RNF24: variants seen among roughly 807,000 people sequenced by gnomAD.
The protein encoded by RNF24 is ring finger protein 24.
A neutral mutation model predicts 20.0 loss-of-function variants in RNF24; 14 were observed. The observed-to-expected ratio is 0.70, with a 90% CI of 0.46 to 1.10. The LOEUF is 1.10. Ranked by LOEUF, RNF24 falls within the 50% of genes least tolerant of loss-of-function variation. The pLI, the probability that RNF24 is intolerant of heterozygous loss-of-function variation, is 0.00. For missense variants in RNF24, 124 were observed against 177.6 expected (o/e 0.70, Z 1.71); for synonymous variants, 45 against 61.1 (o/e 0.74, Z 1.23).
chr20:3,980,968 G>T (rs1274547975), intron 1 of RNF24, among the ~76,000 whole-genome samples: 2 of 149,338 alleles, frequency 1.3e-5, no homozygotes, highest in Non-Finnish European at 3.0e-5. Flanking sequence ...TGTGTGTGTT[G>T]GGGGGGGCAG....
chr20:3,933,120 GAA>G lies in RNF24; in HGVS notation c.*941_*942del, dbSNP rs2090845691. Reference sequence around the variant, plus strand: ...AGAAAGAGAGATAGGGCAAGAGAGAGAAGAGATGGAAGGAGGGGGAGAGGCCA... The same window carrying G: ...AGAAAGAGAGATAGGGCAAGAGAGAGGAGATGGAAGGAGGGGGAGAGGCCA... On this transcript the variant is annotated 3_prime_UTR_variant, in exon 6 of 6. Transcript: ENST00000358395. 3 of 339,294 alleles carry G rather than the reference GAA, an allele frequency of 8.8e-6. No homozygotes were observed. The highest frequency in any genetic ancestry group is 5.7e-5 in the Admixed American group (1 of 17,570). 21.0% of individuals were successfully genotyped at this position (339,294 alleles called of 1,614,324 possible).
intron 3 of RNF24, among the ~76,000 whole-genome samples, chr20:3,946,331 G>A (rs241634): frequency 0.31 from 47,283 of 151,944 alleles, 8,074 homozygotes; most frequent in African/African-American, 0.46. Context: ...GCCAGGTGTG[G>A]TGGTGCACGC....
rs561221186 is a variant in RNF24, at chr20:4,002,246, C to T, written c.-8+13191G>A. Among the ~76,000 whole-genome samples, 8 of 152,076 alleles carry T rather than the reference C, an allele frequency of 5.3e-5. No individual in the cohort carries two copies. The South Asian group carries it at 1.2e-3, about 24-fold the overall frequency. On this transcript the variant is annotated intron_variant, in intron 1 of 5. Coordinates refer to ENST00000358395, the MANE Select transcript of RNF24 (RefSeq NM_001134337.3). ...TAAAAATATAAAAAAATTAGCCCGG[C>T]GTGGTGGTGGGCGCCTGTAGTCCCA...
At chr20:3,944,810 C>T (rs1568619134) in intron 4 of RNF24, among the ~76,000 whole-genome samples, 1 of 152,146 alleles carries the variant, frequency 6.6e-6, no homozygotes, top group Non-Finnish European at 1.5e-5. Context: ...TAACTGCTCT[C>T]TTTTTTGTAC....
At chr20:4,000,876 T>TA (rs1568665466) in intron 1 of RNF24, among the ~76,000 whole-genome samples, 1 of 152,160 alleles carries the variant, frequency 6.6e-6, no homozygotes, top group East Asian at 1.9e-4. Context: ...AGGTAACAAA[T>TA]AATAGGGTCA....
intron 2 of RNF24, among the ~76,000 whole-genome samples, chr20:3,962,307 CTG>C (rs1383595300): frequency 2.6e-5 from 4 of 152,084 alleles, no homozygotes; most frequent in African/African-American, 9.7e-5. Flanking sequence ...TGAGCAGAGA[CTG>C]TGCCACTGCA....
chr20:3,973,631 A>G (rs1978590249), intron 1 of RNF24, among the ~76,000 whole-genome samples: 1 of 152,116 alleles, frequency 6.6e-6, no homozygotes, highest in African/African-American at 2.4e-5. Flanking sequence ...ACAGACATAA[A>G]TTTAGTAACA....
At chr20:4,014,223 G>A (rs1287828003) in intron 1 of RNF24, among the ~76,000 whole-genome samples, 1 of 152,186 alleles carries the variant, frequency 6.6e-6, no homozygotes, top group Non-Finnish European at 1.5e-5. Flanking sequence ...GCGCATGCCA[G>A]GGTAATATGC....
chr20:4,007,350 T>C (rs1437152929), intron 1 of RNF24, among the ~76,000 whole-genome samples: 4 of 152,188 alleles, frequency 2.6e-5, no homozygotes, highest in Non-Finnish European at 4.4e-5. Context: ...GTATTTTTTA[T>C]GTGGTCCTCA....
At position 3,928,607 on chromosome 20, in the gene RNF24, A is replaced by T. The variant is rs2090763785; in HGVS notation, c.*5456T>A. 6.6e-6 allele frequency: 1 copy of T among 151,752 alleles called. No individual in the cohort carries two copies. Among genetic ancestry groups the T allele is most frequent in the Non-Finnish European group, 1.5e-5 (1 of 67,934 alleles). The allele number at this position is 151,752 out of a possible 1,614,324, so 9.4% of individuals were successfully genotyped here. Reference sequence around the variant, plus strand: ...TCCGTCTGTACTAAAAATACAAAAAATTAGCCGAGCGTGGTGGCGGGCACC... The same window carrying T: ...TCCGTCTGTACTAAAAATACAAAAATTTAGCCGAGCGTGGTGGCGGGCACC... On this transcript the variant is annotated 3_prime_UTR_variant, in exon 6 of 6. Coordinates refer to ENST00000358395, the MANE Select transcript of RNF24 (RefSeq NM_001134337.3).
intron 1 of RNF24, among the ~76,000 whole-genome samples, chr20:4,003,631 T>TC (rs1252303473): frequency 9.0e-5 from 10 of 110,550 alleles, no homozygotes; most frequent in Admixed American, 2.5e-4. Context: ...TGTTAGAAAC[T>TC]CCTTTTTTTT....
rs369397576 is a variant in RNF24, at chr20:4,002,343, G to T, written c.-8+13094C>A. On this transcript the variant is annotated intron_variant, in intron 1 of 5. Transcript: ENST00000358395. ...GGAGCTTGCAGTGAGCCAAGATGGTGCCACTGCACTCCAGCCTGGGCAACA... is the reference window on the plus strand; with the variant it reads ...GGAGCTTGCAGTGAGCCAAGATGGTTCCACTGCACTCCAGCCTGGGCAACA... 7.2e-5 allele frequency among the ~76,000 whole-genome samples: 11 copies of T among 151,800 alleles called. No homozygotes were observed. In the East Asian group the frequency reaches 1.6e-3, roughly 22 times the overall value.
rs1377343852 is a variant in RNF24, at chr20:3,946,671, G to C, written c.187-1453C>G. ...GCTGTGATCATGCCACTGCACTCCA[G>C]TCTGGGTGACAGAGACCCCGTCAAA... On this transcript the variant is annotated intron_variant, in intron 3 of 5. Coordinates refer to ENST00000358395, the MANE Select transcript of RNF24 (RefSeq NM_001134337.3). 3.6e-5 allele frequency among the ~76,000 whole-genome samples: 5 copies of C among 137,570 alleles called. No homozygotes were observed. The East Asian group carries it at 1.1e-3, about 29-fold the overall frequency. The allele number at this position is 137,570 out of a possible 152,430, so 90.3% of individuals were successfully genotyped here. A position where few individuals can be genotyped will look rare whatever the true frequency, so the allele number is the denominator to read the frequency against.
At chr20:3,988,022 A>T (rs960996374) in intron 1 of RNF24, among the ~76,000 whole-genome samples, 17 of 152,112 alleles carry the variant, frequency 1.1e-4, no homozygotes, top group Non-Finnish European at 2.4e-4. Context: ...AAAAAAAAAA[A>T]ATTTTTTTTG....
At chr20:3,969,115 G>A (rs913372234) in intron 1 of RNF24, among the ~76,000 whole-genome samples, 1 of 152,004 alleles carries the variant, frequency 6.6e-6, no homozygotes, top group Non-Finnish European at 1.5e-5. Context: ...AAAGTTTTAA[G>A]GGAATTAAAT....
chr20:4,005,686 C>T (rs1981810422), intron 1 of RNF24, among the ~76,000 whole-genome samples: 2 of 151,970 alleles, frequency 1.3e-5, no homozygotes, highest in South Asian at 4.2e-4. Flanking sequence ...TTCACATGCT[C>T]AGATTTGGGA....
intron 1 of RNF24, among the ~76,000 whole-genome samples, chr20:3,977,824 A>T (rs1979007108): frequency 6.7e-6 from 1 of 148,866 alleles, no homozygotes; most frequent in Non-Finnish European, 1.5e-5. Context: ...AGATTGCGCC[A>T]CTGCACTCCA....
In RNF24 at chr20:3,969,282, T is replaced by G. The variant is rs539745912; in HGVS notation, c.-7-5258A>C. On this transcript the variant is annotated intron_variant, in intron 1 of 5. Transcript: ENST00000358395. ...TCCATTAAAAGACAGTCAGGTAGAC[T>G]TCTGACTCCAGAAAGATGGCATAGA... Among the ~76,000 whole-genome samples, 6 of 152,274 alleles carry G rather than the reference T, an allele frequency of 3.9e-5. No individual in the cohort carries two copies. The South Asian group carries it at 1.2e-3, about 32-fold the overall frequency.
chr20:3,950,910 C>T (rs1195701577), intron 2 of RNF24, among the ~76,000 whole-genome samples: 1 of 152,064 alleles, frequency 6.6e-6, no homozygotes, highest in Non-Finnish European at 1.5e-5. Flanking sequence ...TTATCCAATC[C>T]AGGATCCCAT....
Sources: allele counts gnomAD v4.1 joint callset (sites outside exome capture counted in the v4.1 genomes callset), GRCh38; gene constraint gnomAD v4.1.1; transcripts MANE v1.5; gene names NCBI Gene and HGNC (gene_info 2026-07-23, HGNC 2026-07-21).